VPS13B: variants seen among roughly 807,000 people sequenced by gnomAD.
VPS13B encodes the protein intermembrane lipid transfer protein VPS13B.
In VPS13B, 285 loss-of-function variants were observed where a neutral mutation model predicts 426.4. The observed-to-expected ratio is 0.67, with a 90% CI of 0.61 to 0.74. The LOEUF (loss-of-function observed/expected upper bound fraction) is 0.74. VPS13B is among the 30% of genes least tolerant of loss of function. The pLI, the probability that VPS13B is intolerant of heterozygous loss-of-function variation, is 0.00. For synonymous variants in VPS13B, 1,676 were observed against 1,676.4 expected, an observed-to-expected ratio of 1.00 and a Z score of 0.01; for missense variants, 4,537 against 4,782.6, an observed-to-expected ratio of 0.95 and a Z score of 1.51.
rs1415025309 is a variant in VPS13B, at chr8:99,821,348, G to T, written c.9049G>T (p.Val3017Leu). The T allele has an allele frequency of 1.2e-6, 2 of 1,613,722 alleles. No individual in the cohort carries two copies. The highest frequency in any genetic ancestry group is 1.3e-5 in the African/African-American group (1 of 74,896). The change falls in exon 50 of 62, where the codon GTA (valine) becomes TTA (leucine). Residue 3017 changes from valine (V) to leucine (L), a missense_variant. This residue lies in a region of VPS13B where 4,311 missense variants were observed against 4,474.3 expected (regional missense o/e 0.96). Transcript: ENST00000357162. ...AAATACAAACACTGTGCACAAGTCA[G>T]TAGCAATTAAACTGGTCCATAACCT... is the stretch of plus-strand genomic sequence containing the variant. ...WANTNTVHKS[V>L]AIKLVHNLTS...
At chr8:99,829,112 T>C (rs1814895702) in intron 51 of VPS13B, among the ~76,000 whole-genome samples, 1 of 152,270 alleles carries the variant, frequency 6.6e-6, no homozygotes, top group Non-Finnish European at 1.5e-5. Flanking sequence ...ATCTTTATGG[T>C]GTTCTCTGTA....
chr8:99,206,523 G>C (rs1814734263), intron 17 of VPS13B, among the ~76,000 whole-genome samples: 1 of 152,186 alleles, frequency 6.6e-6, no homozygotes, highest in Non-Finnish European at 1.5e-5. Flanking sequence ...CGTTCTGTAT[G>C]TCGTCAACAT....
intron 19 of VPS13B, among the ~76,000 whole-genome samples, chr8:99,313,725 G>A (rs886927887): frequency 6.6e-6 from 1 of 152,160 alleles, no homozygotes; most frequent in Non-Finnish European, 1.5e-5. Flanking sequence ...GTCTGCAGAG[G>A]TTTCTGCTGC....
intron 8 of VPS13B, among the ~76,000 whole-genome samples, chr8:99,133,348 A>T (rs1485101518): frequency 1.3e-5 from 2 of 152,196 alleles, no homozygotes; most frequent in Non-Finnish European, 2.9e-5. Flanking sequence ...TTTACTCTGG[A>T]TTCAGCCTTG....
chr8:99,035,757 G>A (rs1031362255), intron 2 of VPS13B, among the ~76,000 whole-genome samples: 6 of 152,162 alleles, frequency 3.9e-5, no homozygotes, highest in African/African-American at 9.7e-5. Context: ...ATTATGTTCT[G>A]TAGCAGTTGT....
At chr8:99,375,856 G>T (rs1813457103) in intron 19 of VPS13B, among the ~76,000 whole-genome samples, 2 of 151,794 alleles carry the variant, frequency 1.3e-5, no homozygotes, top group Non-Finnish European at 1.5e-5. Flanking sequence ...GTGTTTTTTT[G>T]TCTCGTTCAT....
At chr8:99,733,005 G>A (rs1462292185) in intron 39 of VPS13B, among the ~76,000 whole-genome samples, 1 of 152,122 alleles carries the variant, frequency 6.6e-6, no homozygotes, top group Non-Finnish European at 1.5e-5. Flanking sequence ...TTAAAAGGGG[G>A]AGGGGAGCAT....
At chr8:99,860,097 C>T (rs187239023) in intron 57 of VPS13B, among the ~76,000 whole-genome samples, 101 of 152,300 alleles carry the variant, frequency 6.6e-4, no homozygotes, top group African/African-American at 2.3e-3. Context: ...CAAGGGCCAT[C>T]TGAGTCCCCT....
rs1434967852 is a variant in VPS13B, at chr8:99,571,707, T to C, written c.4950-3951T>C. ...CTATGAGAGCACATCAGATGTTATA[T>C]GTTTCTCACATTGGTCATTTTATGG... is the stretch of plus-strand genomic sequence containing the variant. On this transcript the variant is annotated intron_variant, in intron 31 of 61. Transcript: ENST00000357162. Among the ~76,000 whole-genome samples the C allele has an allele frequency of 2.6e-5, 4 of 152,326 alleles. 1 individual carries two copies. The highest frequency in any genetic ancestry group is 2.0e-4 in the Admixed American group (3 of 15,310).
At chr8:99,492,536 C>T (rs1298979407) in intron 25 of VPS13B, among the ~76,000 whole-genome samples, 2 of 152,184 alleles carry the variant, frequency 1.3e-5, no homozygotes, top group Non-Finnish European at 2.9e-5. Flanking sequence ...GTTTGAGCTT[C>T]CCTGTCACTT....
intron 5 of VPS13B, among the ~76,000 whole-genome samples, chr8:99,105,772 A>G (rs1053445000): frequency 5.9e-5 from 9 of 152,210 alleles, no homozygotes; most frequent in Admixed American, 3.3e-4. Flanking sequence ...GAAATTATTT[A>G]TAGTGAATTA....
intron 17 of VPS13B, chr8:99,233,789 A>G (rs1816489089): frequency 1.2e-5 from 9 of 779,212 alleles, no homozygotes; most frequent in Non-Finnish European, 1.9e-5. Flanking sequence ...CAGTCTTCCA[A>G]ACAAGCCATT....
intron 28 of VPS13B, 107 bp from the exon 29 acceptor site, chr8:99,510,997 T>C: frequency 1.6e-6 from 2 of 1,243,110 alleles, no homozygotes; most frequent in South Asian, 2.5e-5. Context: ...AAGTGTAGGG[T>C]AAGACCAAGA....
At chr8:99,337,562 C>T (rs1810986372) in intron 19 of VPS13B, among the ~76,000 whole-genome samples, 1 of 151,210 alleles carries the variant, frequency 6.6e-6, no homozygotes, top group South Asian at 2.1e-4. Context: ...GGTCTTTTGC[C>T]CATTTTATGT....
intron 30 of VPS13B, among the ~76,000 whole-genome samples, chr8:99,540,899 T>C (rs550500390): frequency 2.0e-5 from 3 of 152,184 alleles, no homozygotes; most frequent in East Asian, 3.8e-4. Flanking sequence ...GTGTTTTCTT[T>C]TCTATTACAG....
intron 61 of VPS13B, 26 bp downstream of exon 61, chr8:99,871,723 A>G (rs779096419): frequency 4.7e-5 from 75 of 1,612,236 alleles, no homozygotes; most frequent in Non-Finnish European, 5.8e-5. Context: ...CAGGGCAACC[A>G]AGACTAGCTG....
chr8:99,691,779 T>G lies in VPS13B; in HGVS notation c.6047-7746T>G, dbSNP rs1013791255. 4.8e-5 allele frequency among the ~76,000 whole-genome samples: 7 copies of G among 145,188 alleles called. No individual in the cohort carries two copies. The East Asian group carries it at 1.2e-3, about 26-fold the overall frequency. On this transcript the variant is annotated intron_variant, in intron 35 of 61. Transcript: ENST00000357162. Reference sequence around the variant, plus strand: ...GATAAAGAGTCAAGACCCATCAGTGTGCTGTATTCAGGAAACCCATCTCAC... The same window carrying G: ...GATAAAGAGTCAAGACCCATCAGTGGGCTGTATTCAGGAAACCCATCTCAC...
chr8:99,370,310 G>C (rs1200813365), intron 19 of VPS13B, among the ~76,000 whole-genome samples: 2 of 152,142 alleles, frequency 1.3e-5, no homozygotes, highest in East Asian at 3.9e-4. Context: ...ATTTGATAGG[G>C]TGTTAAGAGA....
intron 17 of VPS13B, among the ~76,000 whole-genome samples, chr8:99,262,578 A>G (rs1230742881): frequency 1.3e-5 from 2 of 152,146 alleles, no homozygotes; most frequent in African/African-American, 2.4e-5. Context: ...TCTTCCCCTG[A>G]AAGGATAATA....
Sources: allele counts gnomAD v4.1 joint callset (sites outside exome capture counted in the v4.1 genomes callset), GRCh38; gene constraint gnomAD v4.1.1; regional missense constraint gnomAD v4.1.1; transcripts MANE v1.5; gene names NCBI Gene and HGNC (gene_info 2026-07-23, HGNC 2026-07-21).